The following HDGF variants were observed in gnomAD, a reference collection of about 807,000 sequenced individuals.
HDGF encodes the protein heparin binding growth factor, also known as hepatoma-derived growth factor.
A neutral mutation model predicts 30.0 loss-of-function variants in HDGF; 5 were observed. That is an observed-to-expected ratio of 0.17 (90% CI 0.09 to 0.35). The LOEUF (loss-of-function observed/expected upper bound fraction) is 0.35. Among genes scored for constraint, HDGF ranks in the 10% least tolerant of loss-of-function variants. The probability of loss-of-function intolerance (pLI) is 1.00; values close to 1 mark genes in which losing one functional copy is unlikely to be tolerated. For missense variants in HDGF, 214 were observed against 302.8 expected (o/e 0.71, Z 2.18); for synonymous variants, 133 against 112.7 (o/e 1.18, Z -1.14).
upstream of HDGF, chr1:156,755,652 C>G (rs1651143459): frequency 6.6e-6 from 1 of 152,194 alleles, no homozygotes; most frequent in African/African-American, 2.4e-5. Flanking sequence ...TTTCTTGGCC[C>G]AAGTTACACC....
At chr1:156,744,482 C>G (rs773690748) in intron 3 of HDGF, 134 bp from the exon 4 acceptor site, 4 of 1,562,522 alleles carry the variant, frequency 2.6e-6, no homozygotes, top group South Asian at 1.1e-5. Context: ...CCCAGTCTCA[C>G]GAGTGATTTG....
chr1:156,750,537 C>T (rs982535809), intron 1 of HDGF: 4 of 152,426 alleles, frequency 2.6e-5, no homozygotes, highest in Non-Finnish European at 5.9e-5. Flanking sequence ...GCCGTTCTGG[C>T]GGAAGATCTT....
chr1:156,745,029 A>G lies in HDGF; in HGVS notation c.282T>C (p.Thr94=), dbSNP rs768735820. ...EGLWEIENNP[T]VKASGYQSSQ... ...TCACCTGATAGCCGGAAGCCTTGAC[A>G]GTAGGGTTGTTCTCGATCTCCCACA... The change falls in exon 3 of 6, where the codon ACT becomes ACC. Residue 94 remains threonine, a synonymous_variant. Coordinates refer to ENST00000357325, the MANE Select transcript of HDGF (RefSeq NM_004494.3). The G allele has an allele frequency of 1.2e-4, 188 of 1,614,004 alleles. 3 individuals are homozygous for G. The South Asian group carries it at 2.0e-3, about 17-fold the overall frequency.
At chr1:156,758,744 C>T (rs1295392266) in intron 2 of HDGF, among the ~76,000 whole-genome samples, 1 of 152,172 alleles carries the variant, frequency 6.6e-6, no homozygotes, top group Non-Finnish European at 1.5e-5. Context: ...CGCCACTGCA[C>T]TCCAGCCTGG....
Position 156,751,266 on chromosome 1 carries a change from G to A in HDGF, c.87+77C>T. The A allele has an allele frequency of 2.0e-6, 3 of 1,521,302 alleles. No individual in the cohort carries two copies. The highest frequency in any genetic ancestry group is 1.2e-5 in the South Asian group (1 of 83,594). The allele number at this position is 1,521,302 out of a possible 1,614,324, so 94.2% of individuals were successfully genotyped here. On this transcript the variant is annotated intron_variant, in intron 1 of 5. Transcript: ENST00000357325. The surrounding 1 kb of genome is among the most constrained non-coding windows in gnomAD (Gnocchi z 4.7). ...GCCCCCACCTCTGCCCGCTCCGCGCGGAGCGCTCGTGCCCTTCCCGGTGTT... is the reference window on the plus strand; with the variant it reads ...GCCCCCACCTCTGCCCGCTCCGCGCAGAGCGCTCGTGCCCTTCCCGGTGTT...
At chr1:156,751,912 A>G (rs1006781781), upstream of HDGF, 2 of 1,033,176 alleles carry the variant, frequency 1.9e-6, no homozygotes, top group South Asian at 3.5e-5. The surrounding 1 kb of genome is among the most constrained non-coding windows in gnomAD (Gnocchi z 4.7). Flanking sequence ...TAAGGAGCCG[A>G]TCGCCGAGCA....
At chr1:156,756,397 A>G (rs182650972), upstream of HDGF, among the ~76,000 whole-genome samples, 5 of 152,354 alleles carry the variant, frequency 3.3e-5, no homozygotes, top group East Asian at 9.6e-4. Flanking sequence ...CCTTCGCAGT[A>G]AGCTTCTGAG....
chr1:156,760,765 A>G (rs1651235333), intron 1 of HDGF, among the ~76,000 whole-genome samples: 1 of 151,444 alleles, frequency 6.6e-6, no homozygotes, highest in African/African-American at 2.4e-5. Flanking sequence ...CTCTGACTTC[A>G]TCATTCCAGT....
intron 1 of HDGF, among the ~76,000 whole-genome samples, chr1:156,750,973 G>A (rs1571554995): frequency 1.3e-5 from 2 of 151,710 alleles, no homozygotes; most frequent in Admixed American, 1.3e-4. Flanking sequence ...GCCTGGGGTC[G>A]GGGGAAGGAA....
chr1:156,744,013 T>G, intron 4 of HDGF, 135 bp from the exon 5 acceptor site: 1 of 1,056,978 alleles, frequency 9.5e-7, no homozygotes, highest in Non-Finnish European at 1.5e-6. Flanking sequence ...AAATGCCTTC[T>G]GTGTCCCATC....
rs777643812 is a variant in HDGF, at chr1:156,751,311, G to C, written c.87+32C>G. ...GGTGTTATGCAACCCAAGCCCGCAG[G>C]GGGTTAGGGGGCGGCGGGCCGCGCT... On this transcript the variant is annotated intron_variant, in intron 1 of 5. Coordinates refer to ENST00000357325, the MANE Select transcript of HDGF (RefSeq NM_004494.3). This position sits in a 1 kb window ranked among gnomAD's most constrained non-coding sequence, Gnocchi z 4.7. 3.1e-6 allele frequency: 5 copies of C among 1,597,054 alleles called. No homozygotes were observed. The African/African-American group carries it at 6.8e-5, about 22-fold the overall frequency.
At position 156,743,845 on chromosome 1, in the gene HDGF, G is replaced by C. The variant is rs761289151; in HGVS notation, c.523C>G (p.Pro175Ala). The change falls in exon 5 of 6, where the codon CCT becomes GCT. Residue 175 changes from proline to alanine, a missense_variant. Physicochemically the swap from Pro to Ala is conservative, Grantham distance 27. This residue lies in a region of HDGF where 176 missense variants were observed against 211.7 expected (regional missense o/e 0.83). Coordinates refer to ENST00000357325, the MANE Select transcript of HDGF (RefSeq NM_004494.3). ...GCTGCCTCCTTCTCCTCTCCTTCAG[G>C]GTTTTCTGCCTCCTTGGGACGTTTA... ...SPKRPKEAEN[P>A]EGEEKEAATL... is the part of the protein sequence containing the mutation. 3.7e-6 allele frequency: 6 copies of C among 1,613,442 alleles called. No homozygotes were observed. The highest frequency in any genetic ancestry group is 2.2e-5 in the South Asian group (2 of 91,054).
In HDGF at chr1:156,744,334, C is replaced by T; in HGVS notation, c.318G>A (p.Lys106=). Residue 106 remains lysine (K), a synonymous_variant, in exon 4 of 6, where the codon AAG becomes AAA. Coordinates refer to ENST00000357325, the MANE Select transcript of HDGF (RefSeq NM_004494.3). ...CTGGTTCAGGCTCTTCCACACAGCT[C>T]TTTTTCTGGGAGGACTGCAGCAGAG... is the stretch of plus-strand genomic sequence containing the variant. ...KASGYQSSQK[K]SCVEEPEPEP... is the part of the protein sequence containing the mutation. 6.2e-7 allele frequency: 1 copy of T among 1,614,138 alleles called. No individual in the cohort carries two copies. Among genetic ancestry groups the T allele is most frequent in the Non-Finnish European group, 8.5e-7 (1 of 1,180,022 alleles).
intron 1 of HDGF, among the ~76,000 whole-genome samples, chr1:156,748,061 T>C (rs1650711686): frequency 6.6e-6 from 1 of 152,056 alleles, no homozygotes. Flanking sequence ...AGGATGGGTC[T>C]AGAGGGAAGA....
At chr1:156,748,929 T>C (rs1650782586) in intron 1 of HDGF, among the ~76,000 whole-genome samples, 1 of 152,194 alleles carries the variant, frequency 6.6e-6, no homozygotes, top group South Asian at 2.1e-4. Context: ...GGTGAGGTCC[T>C]GGCTGCCCAG....
At chr1:156,743,925 CCACCA>C in intron 4 of HDGF, 47 bp from the exon 5 acceptor site, 3 of 1,385,150 alleles carry the variant, frequency 2.2e-6, no homozygotes, top group African/African-American at 1.4e-5. Context: ...GAGAGGGAGG[CCACCA>C]GCCACCCACT....
chr1:156,752,835 A>G (rs1475527723), upstream of HDGF, among the ~76,000 whole-genome samples: 1 of 152,188 alleles, frequency 6.6e-6, no homozygotes, highest in Non-Finnish European at 1.5e-5. Context: ...TTTAGCAACA[A>G]AATATGCTAG....
At chr1:156,752,269 C>G (rs1172168886), upstream of HDGF, 1 of 1,551,818 alleles carries the variant, frequency 6.4e-7, no homozygotes, top group Non-Finnish European at 8.7e-7. Flanking sequence ...GATTTGAGCC[C>G]TACGTCCGCC....
rs767312799 is a variant in HDGF at position 156,743,671 on chromosome 1, C to A, written c.697G>T (p.Gly233Cys). Residue 233 changes from glycine (G) to cysteine (C), a missense_variant, in exon 5 of 6, where the codon GGC (glycine) becomes TGC (cysteine). Gly to Cys is a radical substitution (Grantham distance 159, BLOSUM62 -3). Transcript: ENST00000357325. ...EATKEDAEAP[G>C]IRDHESL is the part of the protein sequence containing the mutation. The stretch of plus-strand genomic sequence containing the variant: ...ACTCACCTCTCATGATCTCTGATGC[C>A]TGGGGCCTCAGCATCTTCCTTGGTA... The A allele has an allele frequency of 6.2e-7, 1 of 1,612,414 alleles. No individual in the cohort carries two copies. Among genetic ancestry groups the A allele is most frequent in the South Asian group, 1.1e-5 (1 of 90,976 alleles).
Sources: gnomAD v4.1 joint callset for allele counts (sites outside exome capture counted in the v4.1 genomes callset) on GRCh38, gnomAD v4.1.1 for gene constraint, gnomAD v4.1.1 regional missense constraint, Gnocchi (gnomAD v3.1) non-coding constraint, MANE v1.5 for transcripts, NCBI Gene and HGNC (gene_info 2026-07-23, HGNC 2026-07-21) for gene names.